The following UPRT variants were observed in gnomAD, a reference collection of about 807,000 sequenced individuals.
UPRT encodes the protein uracil phosphoribosyltransferase homolog, also known as RP11-311P8.3.
Under a neutral mutation model 22.6 loss-of-function variants are expected in UPRT, and 5 were observed. The ratio of observed to expected loss-of-function variants is 0.22; its 90% CI spans 0.12 to 0.47. The LOEUF (loss-of-function observed/expected upper bound fraction) is 0.47. Ranked by LOEUF, UPRT falls within the 20% of genes least tolerant of loss-of-function variation. UPRT has a pLI of 0.99. For synonymous variants in UPRT, 77 were observed against 87.7 expected (o/e 0.88, Z 0.68); for missense variants, 181 against 239.9 (o/e 0.75, Z 1.62).
chrX:75,250,093 T>C (rs1170513158), intron 4 of UPRT, among the ~76,000 whole-genome samples: 1 of 111,404 alleles, frequency 9.0e-6, no homozygotes, highest in Non-Finnish European at 1.9e-5. Flanking sequence ...CACTAAATGC[T>C]CACAACAGAA....
At chrX:75,175,304 C>T (rs1383187297) in intron 4 of UPRT, among the ~76,000 whole-genome samples, 1 of 111,657 alleles carries the variant, frequency 9.0e-6, no homozygotes, top group Non-Finnish European at 1.9e-5. Flanking sequence ...CTAATATATC[C>T]CTCCCTAATA....
At chrX:75,210,758 T>G (rs1029003778) in intron 4 of UPRT, among the ~76,000 whole-genome samples, 2 of 109,845 alleles carry the variant, frequency 1.8e-5, no homozygotes, top group African/African-American at 6.6e-5. Context: ...GGTTTTTTGT[T>G]GAGGAGGAGG....
At chrX:75,207,603 C>T (rs2082370470) in intron 4 of UPRT, among the ~76,000 whole-genome samples, 1 of 111,520 alleles carries the variant, frequency 9.0e-6, no homozygotes, top group African/African-American at 3.3e-5. Context: ...ATGAATAAGG[C>T]ATGCACCTGC....
At chrX:75,182,127 T>C (rs1382295059) in intron 4 of UPRT, among the ~76,000 whole-genome samples, 2 of 111,946 alleles carry the variant, frequency 1.8e-5, no homozygotes, top group African/African-American at 6.5e-5. Flanking sequence ...GTTTGTTTGT[T>C]TTTAGTTCTG....
chrX:75,220,946 T>A lies in UPRT; in HGVS notation c.-447+53067T>A, dbSNP rs916067315. On this transcript the variant is annotated intron_variant, in intron 4 of 13. Coordinates refer to the UPRT transcript ENST00000652605. ...TTTCAGATGATTTCTTGTTGCTTAT[T>A]AACATCATTTTGTTTATGATTAAAT... Among the ~76,000 whole-genome samples, 6 of 112,023 alleles carry A rather than the reference T, an allele frequency of 5.4e-5. 1 individual carries two copies. Among genetic ancestry groups the A allele is most frequent in the Non-Finnish European group, 1.1e-4 (6 of 53,149 alleles).
At chrX:75,298,604 T>C (rs1363816221) in intron 4 of UPRT, among the ~76,000 whole-genome samples, 2 of 112,527 alleles carry the variant, frequency 1.8e-5, no homozygotes, top group Non-Finnish European at 3.7e-5. Flanking sequence ...ATTTTTAACA[T>C]ATAAACATTC....
At chrX:75,278,712 G>A (rs1321465408) in intron 1 of UPRT, among the ~76,000 whole-genome samples, 1 of 111,784 alleles carries the variant, frequency 8.9e-6, no homozygotes, top group African/African-American at 3.3e-5. Flanking sequence ...AATGCTTCCT[G>A]TGTATTTGTC....
chrX:75,236,800 A>C (rs1196946404), intron 4 of UPRT, among the ~76,000 whole-genome samples: 1 of 112,439 alleles, frequency 8.9e-6, no homozygotes, highest in African/African-American at 3.2e-5. Context: ...AAATCAATTC[A>C]AGATGGATTA....
intron 1 of UPRT, among the ~76,000 whole-genome samples, chrX:75,158,283 C>G (rs2082189446): frequency 8.9e-6 from 1 of 111,911 alleles, no homozygotes; most frequent in Non-Finnish European, 1.9e-5. Context: ...AATAACTTGA[C>G]ACATAACTGT....
At chrX:75,244,170 CAACA>C (rs1427858509) in intron 4 of UPRT, among the ~76,000 whole-genome samples, 2 of 111,465 alleles carry the variant, frequency 1.8e-5, no homozygotes, top group African/African-American at 3.3e-5. Context: ...AATACCAAAA[CAACA>C]AACAAACAAA....
At chrX:75,230,733 A>C (rs772096412) in intron 4 of UPRT, among the ~76,000 whole-genome samples, 1 of 111,717 alleles carries the variant, frequency 9.0e-6, no homozygotes, top group Non-Finnish European at 1.9e-5. Flanking sequence ...AGCAGGTCCT[A>C]GTATCTGTGG....
At chrX:75,271,465 C>T (rs1157459518), upstream of UPRT, among the ~76,000 whole-genome samples, 7 of 111,859 alleles carry the variant, frequency 6.3e-5, no homozygotes, top group Non-Finnish European at 9.4e-5. Flanking sequence ...AAACTGGATC[C>T]TCATCTCTCA....
intron 4 of UPRT, among the ~76,000 whole-genome samples, chrX:75,236,699 A>T (rs2082466206): frequency 8.9e-6 from 1 of 112,527 alleles, no homozygotes. Flanking sequence ...GCAATGGGGT[A>T]AGGATTCCCT....
intron 4 of UPRT, among the ~76,000 whole-genome samples, chrX:75,196,417 CA>C (rs1197627631): frequency 8.9e-6 from 1 of 112,573 alleles, no homozygotes; most frequent in Non-Finnish European, 1.9e-5. Flanking sequence ...AATTATTGAT[CA>C]AAAGCTCAAC....
chrX:75,187,925 T>G (rs906128461), intron 4 of UPRT, among the ~76,000 whole-genome samples: 2 of 111,898 alleles, frequency 1.8e-5, no homozygotes, highest in African/African-American at 6.5e-5. Flanking sequence ...TACATTCTTC[T>G]AAATTTTTTT....
chrX:75,221,149 G>A (rs1039514275), intron 4 of UPRT, among the ~76,000 whole-genome samples: 6 of 110,330 alleles, frequency 5.4e-5, no homozygotes, highest in Admixed American at 1.9e-4. Flanking sequence ...CTCTCTCCTC[G>A]CCTGTAAGAT....
At chrX:75,189,784 A>T (rs2082308308) in intron 4 of UPRT, among the ~76,000 whole-genome samples, 1 of 111,654 alleles carries the variant, frequency 9.0e-6, no homozygotes, top group Non-Finnish European at 1.9e-5. Flanking sequence ...AGTCTGTTTT[A>T]TCAGAGACTA....
intron 1 of UPRT, among the ~76,000 whole-genome samples, chrX:75,279,313 G>C (rs2082643759): frequency 9.0e-6 from 1 of 111,610 alleles, no homozygotes; most frequent in Non-Finnish European, 1.9e-5. Context: ...GAAAAAAACT[G>C]TGACGTGCAA....
intron 4 of UPRT, among the ~76,000 whole-genome samples, chrX:75,195,761 C>T (rs2082330998): frequency 2.7e-5 from 3 of 111,912 alleles, no homozygotes; most frequent in Middle Eastern, 4.6e-3. Context: ...GGATCTGTGT[C>T]TTCCCTCCAC....
Sources: gnomAD v4.1 joint callset for allele counts (sites outside exome capture counted in the v4.1 genomes callset) on GRCh38, gnomAD v4.1.1 for gene constraint, MANE v1.5 for transcripts, NCBI Gene and HGNC (gene_info 2026-07-23, HGNC 2026-07-21) for gene names.